Variants in TMEM132C observed in about 807,000 individuals in gnomAD.
TMEM132C encodes the protein transmembrane protein 132C, also known as protein phosphatase 1, regulatory subunit 152.
In TMEM132C, 29 loss-of-function variants were observed where a neutral mutation model predicts 61.4. The ratio of observed to expected loss-of-function variants is 0.47; its 90% CI spans 0.35 to 0.64. TMEM132C has a LOEUF of 0.64. TMEM132C is among the 30% of genes least tolerant of loss of function. The pLI is 0.00. For missense variants in TMEM132C, 1,408 were observed against 1,476.9 expected, an observed-to-expected ratio of 0.95 and a Z score of 0.76; for synonymous variants, 656 against 633.1, an observed-to-expected ratio of 1.04 and a Z score of -0.54.
intron 3 of TMEM132C, among the ~76,000 whole-genome samples, chr12:128,587,435 C>T (rs564686992): frequency 4.1e-4 from 62 of 152,314 alleles, no homozygotes; most frequent in African/African-American, 1.4e-3. Context: ...ATGGAAGGCC[C>T]CACCCTCATG....
At chr12:128,482,314 AAGTAGGGG>A (rs113508589) in intron 2 of TMEM132C, among the ~76,000 whole-genome samples, 189 of 152,294 alleles carry the variant, frequency 1.2e-3, no homozygotes, top group African/African-American at 4.2e-3. Context: ...GGGGAATTCT[AAGTAGGGG>A]AGTAGTGATA....
At chr12:128,428,574 G>A (rs1869275155) in intron 2 of TMEM132C, among the ~76,000 whole-genome samples, 2 of 152,170 alleles carry the variant, frequency 1.3e-5, no homozygotes, top group Non-Finnish European at 2.9e-5. Flanking sequence ...AACTGGAAGT[G>A]GTAGATTAAT....
intron 1 of TMEM132C, among the ~76,000 whole-genome samples, chr12:128,291,336 G>A (rs1296224001): frequency 2.6e-5 from 4 of 152,296 alleles, no homozygotes; most frequent in South Asian, 4.1e-4. Context: ...GTCCCCACAC[G>A]CTAGATGCCA....
At chr12:128,458,933 C>T (rs985593670) in intron 2 of TMEM132C, among the ~76,000 whole-genome samples, 7 of 152,220 alleles carry the variant, frequency 4.6e-5, no homozygotes, top group Admixed American at 4.6e-4. Flanking sequence ...TTTTCGTTGA[C>T]ATTAAGTCCA....
chr12:128,309,636 G>C (rs1489883167), intron 1 of TMEM132C, among the ~76,000 whole-genome samples: 1 of 151,360 alleles, frequency 6.6e-6, no homozygotes, highest in African/African-American at 2.5e-5. Context: ...CCTACAATAT[G>C]TGACCTCTGT....
chr12:128,478,786 A>C (rs962954865), intron 2 of TMEM132C, among the ~76,000 whole-genome samples: 12 of 152,162 alleles, frequency 7.9e-5, no homozygotes, highest in Admixed American at 3.3e-4. Context: ...CTGCTCATTT[A>C]ATCCTGTCTA....
intron 5 of TMEM132C, among the ~76,000 whole-genome samples, chr12:128,690,000 C>G (rs916207741): frequency 1.3e-5 from 2 of 152,210 alleles, no homozygotes; most frequent in Non-Finnish European, 2.9e-5. Context: ...TCTGCCTTCC[C>G]CTTGGAAAGT....
At chr12:128,449,433 A>G (rs2136056140) in intron 2 of TMEM132C, among the ~76,000 whole-genome samples, 1 of 152,210 alleles carries the variant, frequency 6.6e-6, no homozygotes, top group East Asian at 1.9e-4. Flanking sequence ...TCATTAAGTT[A>G]ATTGTGTTAA....
Position 128,570,668 on chromosome 12 carries a change from G to C in TMEM132C, c.1121+26565G>C, listed in dbSNP as rs1289373436. On this transcript the variant is annotated intron_variant, in intron 3 of 8. Transcript: ENST00000435159. This position sits in a 1 kb window ranked among gnomAD's most constrained non-coding sequence, Gnocchi z 4.7. ...TTCTCTTTCTGCTCTGCCATCTATGGCATGTGGTGGCTTTTCTCATGCTCA... is the reference window on the plus strand; with the variant it reads ...TTCTCTTTCTGCTCTGCCATCTATGCCATGTGGTGGCTTTTCTCATGCTCA... 6.6e-6 allele frequency among the ~76,000 whole-genome samples: 1 copy of C among 152,170 alleles called. No individual in the cohort carries two copies. Among genetic ancestry groups the C allele is most frequent in the African/African-American group, 2.4e-5 (1 of 41,430 alleles).
intron 2 of TMEM132C, among the ~76,000 whole-genome samples, chr12:128,531,975 T>A (rs968429826): frequency 3.3e-5 from 5 of 152,162 alleles, no homozygotes; most frequent in Non-Finnish European, 7.3e-5. Flanking sequence ...ACAAGAACGG[T>A]AATTTTCAAT....
chr12:128,485,701 G>A (rs1382519565), intron 2 of TMEM132C, among the ~76,000 whole-genome samples: 1 of 152,120 alleles, frequency 6.6e-6, no homozygotes, highest in Non-Finnish European at 1.5e-5. Context: ...CAGTAGTGCC[G>A]AGGCTGAGAA....
chr12:128,482,157 G>C (rs1282441895), intron 2 of TMEM132C, among the ~76,000 whole-genome samples: 1 of 152,114 alleles, frequency 6.6e-6, no homozygotes, highest in African/African-American at 2.4e-5. Context: ...ATAATCATGT[G>C]GTTTTTGTCG....
At chr12:128,484,982 GGGAA>G (rs1871438369) in intron 2 of TMEM132C, among the ~76,000 whole-genome samples, 1 of 151,986 alleles carries the variant, frequency 6.6e-6, no homozygotes, top group Admixed American at 6.6e-5. Context: ...GAGGGAAGGA[GGGAA>G]GGAAGGAAGG....
chr12:128,545,635 T>G (rs572773118), intron 3 of TMEM132C, among the ~76,000 whole-genome samples: 64 of 152,372 alleles, frequency 4.2e-4, no homozygotes, highest in African/African-American at 1.5e-3. Flanking sequence ...TTTTTGACTT[T>G]TCAATAATCA....
At chr12:128,478,286 GT>G (rs1212544761) in intron 2 of TMEM132C, among the ~76,000 whole-genome samples, 2 of 152,216 alleles carry the variant, frequency 1.3e-5, no homozygotes, top group African/African-American at 4.8e-5. Context: ...ACTGATTGTT[GT>G]TTTTTTATTT....
In TMEM132C at chr12:128,415,659, C is replaced by T. The variant is rs867757716; in HGVS notation, c.974+39C>T. The T allele has an allele frequency of 6.8e-7, 1 of 1,477,546 alleles. No individual in the cohort carries two copies. The allele number at this position is 1,477,546 out of a possible 1,614,324, so 91.5% of individuals were successfully genotyped here. ...CTTGCCCCTGATCATCTTTGGCATGCCTGGTGTGAGACTGGGTTCCATGCG... is the reference window on the plus strand; with the variant it reads ...CTTGCCCCTGATCATCTTTGGCATGTCTGGTGTGAGACTGGGTTCCATGCG... On this transcript the variant is annotated intron_variant, in intron 2 of 8. Coordinates refer to ENST00000435159, the MANE Select transcript of TMEM132C (RefSeq NM_001136103.3). The surrounding 1 kb of genome is among the most constrained non-coding windows in gnomAD (Gnocchi z 5.8).
chr12:128,332,540 CA>C (rs1179948019), intron 1 of TMEM132C, among the ~76,000 whole-genome samples: 9 of 152,322 alleles, frequency 5.9e-5, no homozygotes, highest in African/African-American at 2.2e-4. Context: ...GGTTTTAAGC[CA>C]AAGCCCTCAG....
chr12:128,328,944 C>G (rs1400417888), intron 1 of TMEM132C, among the ~76,000 whole-genome samples: 1 of 152,160 alleles, frequency 6.6e-6, no homozygotes, highest in Non-Finnish European at 1.5e-5. Flanking sequence ...TGCCTATCCT[C>G]TGTGTGCTTT....
At chr12:128,366,481 C>T (rs1385566030) in intron 1 of TMEM132C, among the ~76,000 whole-genome samples, 2 of 152,098 alleles carry the variant, frequency 1.3e-5, no homozygotes, top group Admixed American at 6.5e-5. Flanking sequence ...CTTATAGCCC[C>T]GGATCACAGA....
Sources: gnomAD v4.1 joint callset for allele counts (sites outside exome capture counted in the v4.1 genomes callset) on GRCh38, gnomAD v4.1.1 for gene constraint, Gnocchi (gnomAD v3.1) non-coding constraint, MANE v1.5 for transcripts, NCBI Gene and HGNC (gene_info 2026-07-23, HGNC 2026-07-21) for gene names.